TPD52L1: variants seen among roughly 807,000 people sequenced by gnomAD.
The protein encoded by TPD52L1 is TPD52 like 1.
In TPD52L1, 18 loss-of-function variants were observed where a neutral mutation model predicts 28.7. The observed-to-expected ratio is 0.63, with a 90% confidence interval of 0.43 to 0.93. TPD52L1 has a LOEUF of 0.93. Among genes scored for constraint, TPD52L1 ranks in the 40% least tolerant of loss-of-function variants. The pLI is 0.00. For missense variants in TPD52L1, 203 were observed against 254.8 expected, an observed-to-expected ratio of 0.80 and a Z score of 1.39; for synonymous variants, 75 against 88.8, an observed-to-expected ratio of 0.84 and a Z score of 0.88.
intron 1 of TPD52L1, among the ~76,000 whole-genome samples, chr6:125,157,368 C>A (rs1343526321): frequency 6.6e-6 from 1 of 152,198 alleles, no homozygotes; most frequent in Non-Finnish European, 1.5e-5. Flanking sequence ...CAAATATGTT[C>A]TTTGACTTTG....
At chr6:125,158,621 A>G (rs1320901623) in intron 1 of TPD52L1, among the ~76,000 whole-genome samples, 1 of 152,212 alleles carries the variant, frequency 6.6e-6, no homozygotes, top group Non-Finnish European at 1.5e-5. Context: ...AGAAAAATGA[A>G]TATAATCACA....
rs1454995405 is a variant in TPD52L1, at chr6:125,260,982, A to T, written c.487-1852A>T. ...AAAGAAAGAAAGAAAGAAAGAAAAG[A>T]AAAGAAAGAAAGAAAGAAAGAAAGA... On this transcript the variant is annotated intron_variant, in intron 6 of 6. Transcript: ENST00000534000. 2.0e-4 allele frequency: 9 copies of T among 44,772 alleles called. No individual in the cohort carries two copies. In the East Asian group the frequency reaches 3.8e-3, roughly 19 times the overall value. 2.8% of individuals were successfully genotyped at this position (44,772 alleles called of 1,614,324 possible). A position where few individuals can be genotyped will look rare whatever the true frequency, so the allele number is the denominator to read the frequency against.
intron 1 of TPD52L1, among the ~76,000 whole-genome samples, chr6:125,192,992 T>C (rs1214093962): frequency 2.0e-5 from 3 of 152,244 alleles, no homozygotes; most frequent in Non-Finnish European, 4.4e-5. Context: ...GTGTTAAGCA[T>C]TGTGCCCAAC....
chr6:125,242,114 T>C (rs1796649711), intron 3 of TPD52L1, among the ~76,000 whole-genome samples: 1 of 152,090 alleles, frequency 6.6e-6, no homozygotes, highest in Admixed American at 6.6e-5. Context: ...GTTTAATATC[T>C]ATATATTTGT....
intron 1 of TPD52L1, among the ~76,000 whole-genome samples, chr6:125,181,087 G>T (rs147364216): frequency 1.3e-5 from 2 of 152,298 alleles, no homozygotes; most frequent in Admixed American, 6.5e-5. Context: ...GATCTGGAAA[G>T]GTGAAGAATC....
intron 1 of TPD52L1, among the ~76,000 whole-genome samples, chr6:125,175,552 G>A (rs1213268913): frequency 6.6e-6 from 1 of 152,132 alleles, no homozygotes; most frequent in Non-Finnish European, 1.5e-5. Context: ...TCTTAAGAAA[G>A]AGAGGAAGGG....
At chr6:125,249,401 G>A (rs1350303296) in intron 4 of TPD52L1, among the ~76,000 whole-genome samples, 5 of 151,798 alleles carry the variant, frequency 3.3e-5, no homozygotes, top group Admixed American at 3.3e-4. Context: ...GCTTTGGGCT[G>A]GGCACAGTGG....
At chr6:125,217,715 C>T (rs1271814666) in intron 1 of TPD52L1, among the ~76,000 whole-genome samples, 1 of 152,144 alleles carries the variant, frequency 6.6e-6, no homozygotes, top group African/African-American at 2.4e-5. Flanking sequence ...ATTCCTTTCT[C>T]CTTTCCTCTC....
At chr6:125,212,950 A>G (rs577023037) in intron 1 of TPD52L1, among the ~76,000 whole-genome samples, 2 of 152,332 alleles carry the variant, frequency 1.3e-5, no homozygotes, top group South Asian at 4.1e-4. Context: ...GAGAAGTGCA[A>G]TTACTAGATT....
intron 4 of TPD52L1, chr6:125,253,218 G>A (rs920260048): frequency 6.2e-6 from 1 of 162,216 alleles, no homozygotes; most frequent in East Asian, 1.8e-4. Context: ...TATGGCCTAT[G>A]AGAACTGTGT....
rs1790907211 is a variant in TPD52L1 at position 125,166,435 on chromosome 6, A to ATCCTTTTT, written c.19+12466_19+12467insCCTTTTTT. The stretch of plus-strand genomic sequence containing the variant: ...CTTGGCTCCTGTTATTCCTCTTTAG[A>ATCCTTTTT]TATCCCAGGGTTCCAACAGGAAGTT... On this transcript the variant is annotated intron_variant, in intron 1 of 6. Transcript: ENST00000534000. Among the ~76,000 whole-genome samples the ATCCTTTTT allele has an allele frequency of 2.0e-5, 3 of 152,164 alleles. No individual in the cohort carries two copies. The South Asian group carries it at 6.2e-4, about 31-fold the overall frequency.
intron 1 of TPD52L1, among the ~76,000 whole-genome samples, chr6:125,202,483 C>A (rs759653396): frequency 1.3e-5 from 2 of 152,114 alleles, no homozygotes; most frequent in Non-Finnish European, 2.9e-5. Flanking sequence ...TCAACTCTAG[C>A]TTGGGTGCCT....
At chr6:125,195,578 G>C (rs184351887) in intron 1 of TPD52L1, among the ~76,000 whole-genome samples, 1 of 151,018 alleles carries the variant, frequency 6.6e-6, no homozygotes, top group Admixed American at 6.6e-5. Flanking sequence ...AGGCACTTAC[G>C]TGAAATTCTC....
intron 1 of TPD52L1, among the ~76,000 whole-genome samples, chr6:125,165,099 T>TATATATA (rs1185611851): frequency 1.1e-4 from 16 of 144,322 alleles, no homozygotes; most frequent in African/African-American, 2.7e-4. Context: ...TATATATATA[T>TATATATA]TTTAACTGTA....
At chr6:125,175,729 C>T (rs1253828326) in intron 1 of TPD52L1, among the ~76,000 whole-genome samples, 1 of 152,108 alleles carries the variant, frequency 6.6e-6, no homozygotes, top group East Asian at 1.9e-4. Flanking sequence ...CCTAGCTTCC[C>T]CTATGAAATG....
intron 2 of TPD52L1, chr6:125,221,721 G>C (rs1795246000): frequency 6.6e-6 from 1 of 152,144 alleles, no homozygotes; most frequent in South Asian, 2.1e-4. Flanking sequence ...AAATAGAAGT[G>C]TTTTCAGAAA....
At chr6:125,170,492 TA>T (rs1791222794) in intron 1 of TPD52L1, among the ~76,000 whole-genome samples, 1 of 151,358 alleles carries the variant, frequency 6.6e-6, no homozygotes, top group African/African-American at 2.4e-5. Flanking sequence ...AGCTCTCATA[TA>T]AATCGGAGTT....
chr6:125,224,681 C>T (rs569842908), intron 2 of TPD52L1, among the ~76,000 whole-genome samples: 2 of 152,238 alleles, frequency 1.3e-5, no homozygotes, highest in South Asian at 4.1e-4. Flanking sequence ...CACGTGAGAC[C>T]AAATGTGGTT....
chr6:125,187,177 G>A (rs1262824766), intron 1 of TPD52L1, among the ~76,000 whole-genome samples: 1 of 152,086 alleles, frequency 6.6e-6, no homozygotes, highest in African/African-American at 2.4e-5. Context: ...AAAATAACTG[G>A]CCAGCCGTGT....
Sources: gnomAD v4.1 joint callset for allele counts (sites outside exome capture counted in the v4.1 genomes callset) on GRCh38, gnomAD v4.1.1 for gene constraint, MANE v1.5 for transcripts, NCBI Gene and HGNC (gene_info 2026-07-23, HGNC 2026-07-21) for gene names.